The following SGCE variants were observed in gnomAD, a reference collection of about 807,000 sequenced individuals.
SGCE encodes the protein sarcoglycan epsilon.
In SGCE, 26 loss-of-function variants were observed where a neutral mutation model predicts 57.8. That is an observed-to-expected ratio of 0.45 (90% CI 0.33 to 0.62). The LOEUF is 0.62. SGCE is among the 20% of genes least tolerant of loss of function. The pLI is 0.02. For missense variants in SGCE, 468 were observed against 548.6 expected, an observed-to-expected ratio of 0.85 and a Z score of 1.47; for synonymous variants, 183 against 189.5, an observed-to-expected ratio of 0.97 and a Z score of 0.28.
At chr7:94,637,063 A>G (rs1252088166) in intron 1 of SGCE, among the ~76,000 whole-genome samples, 1 of 151,794 alleles carries the variant, frequency 6.6e-6, no homozygotes, top group Non-Finnish European at 1.5e-5. Flanking sequence ...CCATCTCAAA[A>G]AAAAAAAAAA....
At position 94,630,360 on chromosome 7, in the gene SGCE, G is replaced by A. The variant is rs115555045; in HGVS notation, c.110-519C>T. The stretch of plus-strand genomic sequence containing the variant: ...TCAATACATGTAATGCGGTTTTTAC[G>A]TATACTTATAAAAATGCATTGGATA... On this transcript the variant is annotated intron_variant, in intron 1 of 10. Transcript: ENST00000648936. Among the ~76,000 whole-genome samples, 3 of 151,602 alleles carry A rather than the reference G, an allele frequency of 2.0e-5. No homozygotes were observed. In the East Asian group the frequency reaches 5.8e-4, roughly 29 times the overall value.
intron 1 of SGCE, chr7:94,644,668 C>T: frequency 7.8e-7 from 1 of 1,282,564 alleles, no homozygotes; most frequent in Non-Finnish European, 1.0e-6. Context: ...TCATATTCCA[C>T]TGTAAGGGGG....
intron 1 of SGCE, among the ~76,000 whole-genome samples, chr7:94,631,708 A>G (rs1804757111): frequency 6.6e-6 from 1 of 151,796 alleles, no homozygotes; most frequent in South Asian, 2.1e-4. Context: ...AATTTAAGGT[A>G]GGGGGAGGCA....
chr7:94,638,780 G>A (rs1167265459), intron 1 of SGCE, among the ~76,000 whole-genome samples: 1 of 152,026 alleles, frequency 6.6e-6, no homozygotes, highest in African/African-American at 2.4e-5. Context: ...TATTGCTGAT[G>A]GTCACATTTA....
At chr7:94,589,106 C>G (rs1797296310) in intron 9 of SGCE, 1 of 256,862 alleles carries the variant, frequency 3.9e-6, no homozygotes, top group Non-Finnish European at 7.7e-6. Flanking sequence ...TGCTCTTAAC[C>G]TATACACTTT....
chr7:94,621,200 A>G (rs1271203232), intron 4 of SGCE: 1 of 152,202 alleles, frequency 6.6e-6, no homozygotes, highest in African/African-American at 2.4e-5. Flanking sequence ...GCCATGCTCA[A>G]ACATGTACAT....
intron 3 of SGCE, chr7:94,627,937 A>T: frequency 2.5e-6 from 1 of 397,732 alleles, no homozygotes; most frequent in Admixed American, 3.8e-5. Flanking sequence ...AATAGAATTC[A>T]TATTATAATA....
intron 9 of SGCE, chr7:94,597,271 T>G (rs1798539057): frequency 6.6e-6 from 1 of 152,176 alleles, no homozygotes; most frequent in Non-Finnish European, 1.5e-5. Flanking sequence ...CATACACACA[T>G]GCACATAAAC....
intron 3 of SGCE, chr7:94,623,614 CA>C: frequency 2.0e-6 from 1 of 505,426 alleles, no homozygotes; most frequent in Non-Finnish European, 3.5e-6. Flanking sequence ...TATACTGAAA[CA>C]AAAAGTTAAA....
intron 5 of SGCE, among the ~76,000 whole-genome samples, chr7:94,608,656 T>C (rs1283390720): frequency 6.6e-6 from 1 of 152,150 alleles, no homozygotes; most frequent in Non-Finnish European, 1.5e-5. Flanking sequence ...GGACTGACAC[T>C]ACCCAACATC....
At position 94,652,582 on chromosome 7, in the gene SGCE, G is replaced by GT. The variant is rs1394146634; in HGVS notation, c.109+3407dup. ...ATTTCCTTGAGGTTGTCGCTAACCAGTTTTTTCTGGTGTTGTCCCTTATTT... is the reference window on the plus strand; with the variant it reads ...ATTTCCTTGAGGTTGTCGCTAACCAGTTTTTTTCTGGTGTTGTCCCTTATTT... On this transcript the variant is annotated intron_variant, in intron 1 of 10. Coordinates refer to ENST00000648936, the MANE Select transcript of SGCE (RefSeq NM_003919.3). Among the ~76,000 whole-genome samples, 8 of 152,176 alleles carry GT rather than the reference G, an allele frequency of 5.3e-5. No individual in the cohort carries two copies. The East Asian group carries it at 1.3e-3, about 26-fold the overall frequency.
intron 1 of SGCE, among the ~76,000 whole-genome samples, chr7:94,650,685 A>T (rs1807757214): frequency 6.6e-6 from 1 of 152,218 alleles, no homozygotes; most frequent in Middle Eastern, 3.2e-3. Context: ...TCATTGCAAG[A>T]AAGGTGAATA....
intron 1 of SGCE, among the ~76,000 whole-genome samples, chr7:94,655,260 C>A (rs1808453600): frequency 6.6e-6 from 1 of 152,166 alleles, no homozygotes; most frequent in African/African-American, 2.4e-5. Context: ...CCGCCAAACA[C>A]ACTGGAAGCA....
In SGCE at chr7:94,618,793, G is replaced by T. The variant is rs1395758109; in HGVS notation, c.627C>A (p.Gly209=). The change falls in exon 5 of 11, where the codon GGC becomes GGA. Residue 209 remains glycine (G), a synonymous_variant. Coordinates refer to ENST00000648936, the MANE Select transcript of SGCE (RefSeq NM_003919.3). Reference sequence around the variant, plus strand: ...GGTCATTAATGGGAAGTGGCACCCTGCCACCCCTGTCTAGGGCCGATGTGA... The same window carrying T: ...GGTCATTAATGGGAAGTGGCACCCTTCCACCCCTGTCTAGGGCCGATGTGA... ...INITSALDRG[G]RVPLPINDLK... The T allele has an allele frequency of 9.9e-6, 16 of 1,613,872 alleles. No homozygotes were observed. The highest frequency in any genetic ancestry group is 1.4e-5 in the Non-Finnish European group (16 of 1,179,940).
intron 1 of SGCE, among the ~76,000 whole-genome samples, chr7:94,642,692 C>T (rs1480917212): frequency 6.6e-6 from 1 of 152,062 alleles, no homozygotes; most frequent in Non-Finnish European, 1.5e-5. Context: ...ACAGGTACAA[C>T]CAATTTGTAA....
At chr7:94,648,534 A>G (rs1807438907) in intron 1 of SGCE, among the ~76,000 whole-genome samples, 3 of 152,192 alleles carry the variant, frequency 2.0e-5, no homozygotes, top group Admixed American at 2.0e-4. Context: ...TTCTAGCAGT[A>G]AAACGGTTAG....
intron 1 of SGCE, 118 bp downstream of exon 1, chr7:94,655,872 G>T (rs1808582021): frequency 5.8e-6 from 4 of 694,678 alleles, no homozygotes; most frequent in Non-Finnish European, 1.0e-5. Context: ...TGGGGTCCGG[G>T]ACAGAAAGAG....
rs577854696 is a variant in SGCE at position 94,587,276 on chromosome 7, C to T, written c.1297+1413G>A. Reference sequence around the variant, plus strand: ...CTATGTGACTACTAAACAAATTGCCCTAATATCATCTACTCAAGTTTCCTA... The same window carrying T: ...CTATGTGACTACTAAACAAATTGCCTTAATATCATCTACTCAAGTTTCCTA... On this transcript the variant is annotated intron_variant, in intron 10 of 10. Coordinates refer to ENST00000648936, the MANE Select transcript of SGCE (RefSeq NM_003919.3). 6 of 987,820 alleles carry T rather than the reference C, an allele frequency of 6.1e-6. No individual in the cohort carries two copies. The African/African-American group carries it at 1.0e-4, about 17-fold the overall frequency. 61.2% of individuals were successfully genotyped at this position (987,820 alleles called of 1,614,324 possible). A position where few individuals can be genotyped will look rare whatever the true frequency, so the allele number is the denominator to read the frequency against.
intron 1 of SGCE, 34 bp downstream of exon 1, chr7:94,655,956 C>T: frequency 7.1e-7 from 1 of 1,406,812 alleles, no homozygotes; most frequent in Non-Finnish European, 1.0e-6. Flanking sequence ...GCCTGTTGGC[C>T]CCGGGACCTC....
Sources: allele counts gnomAD v4.1 joint callset (sites outside exome capture counted in the v4.1 genomes callset), GRCh38; gene constraint gnomAD v4.1.1; transcripts MANE v1.5; gene names NCBI Gene and HGNC (gene_info 2026-07-23, HGNC 2026-07-21).